The following HTT-AS variants were observed in gnomAD, a reference collection of about 807,000 sequenced individuals.
HTT-AS encodes HTT antisense RNA, also known as HTT antisense RNA (head to head).
intron 2 of HTT-AS, among the ~76,000 whole-genome samples, chr4:3,058,007 G>C (rs2110121842): frequency 6.6e-6 from 1 of 151,908 alleles, no homozygotes; most frequent in South Asian, 2.1e-4. Context: ...CAGAACTGAG[G>C]GTTTCTCCCC....
chr4:3,047,636 A>AG (rs1711617247), downstream of HTT-AS, among the ~76,000 whole-genome samples: 1 of 152,086 alleles, frequency 6.6e-6, no homozygotes, highest in Non-Finnish European at 1.5e-5. Context: ...CGACCAGGGA[A>AG]GGGAGTCTCC....
intron 2 of HTT-AS, among the ~76,000 whole-genome samples, chr4:3,058,738 T>C (rs1429464332): frequency 2.6e-5 from 4 of 152,002 alleles, no homozygotes; most frequent in Non-Finnish European, 5.9e-5. Context: ...TTTTTCCTTT[T>C]AAATGGGGTC....
chr4:3,060,111 G>A (rs190779501), intron 2 of HTT-AS, among the ~76,000 whole-genome samples: 6 of 152,136 alleles, frequency 3.9e-5, no homozygotes, highest in East Asian at 1.9e-4. Context: ...TGCCCTGTGC[G>A]TACATGCTAA....
downstream of HTT-AS, among the ~76,000 whole-genome samples, chr4:3,047,247 C>G (rs560887234): frequency 1.6e-4 from 25 of 152,188 alleles, no homozygotes; most frequent in African/African-American, 4.8e-4. Context: ...GGAGGCGGAG[C>G]TTGCAGTGAG....
chr4:3,074,033 G>A (rs1417373918), intron 1 of HTT-AS, among the ~76,000 whole-genome samples: 24 of 77,092 alleles, frequency 3.1e-4, no homozygotes, highest in South Asian at 1.1e-3. Context: ...CCATGGCCCC[G>A]TCCTTCATGG....
intron 2 of HTT-AS, among the ~76,000 whole-genome samples, chr4:3,058,219 G>A (rs536848883): frequency 3.7e-4 from 57 of 152,058 alleles, no homozygotes; most frequent in Admixed American, 8.5e-4. Flanking sequence ...CCAGCTACTC[G>A]GGAGGCTGAG....
At chr4:3,062,146 C>T (rs1711939564) in intron 2 of HTT-AS, among the ~76,000 whole-genome samples, 1 of 152,068 alleles carries the variant, frequency 6.6e-6, no homozygotes, top group Non-Finnish European at 1.5e-5. Flanking sequence ...TCACATACCT[C>T]AGCCTCCCAA....
chr4:3,065,757 G>A (rs1246648552), intron 1 of HTT-AS, among the ~76,000 whole-genome samples: 1 of 152,236 alleles, frequency 6.6e-6, no homozygotes, highest in Admixed American at 6.5e-5. Context: ...TTGCCCTTGT[G>A]ACTGCGTGGC....
In HTT-AS at chr4:3,064,233, C is replaced by T. The variant is rs144745005; in HGVS notation, n.114-533G>A. Among the ~76,000 whole-genome samples the T allele has an allele frequency of 4.1e-3, 618 of 151,516 alleles. 23 individuals carry two copies. Among genetic ancestry groups the T allele is most frequent in the Admixed American group, 0.037 (557 of 15,144 alleles). ...GCCTCAGCCTCCTGAGCAGTTGGGACTACAGGTGTGTGCCACCACATCTGG... is the reference window on the plus strand; with the variant it reads ...GCCTCAGCCTCCTGAGCAGTTGGGATTACAGGTGTGTGCCACCACATCTGG... On this transcript the variant is annotated intron_variant and non_coding_transcript_variant, in intron 1 of 2. Coordinates refer to ENST00000664062, the Ensembl canonical transcript of HTT-AS.
At chr4:3,072,630 ATTTAT>A (rs1419710661) in intron 1 of HTT-AS, among the ~76,000 whole-genome samples, 3 of 151,994 alleles carry the variant, frequency 2.0e-5, no homozygotes, top group Non-Finnish European at 4.4e-5. Context: ...TGGGAACTTT[ATTTAT>A]TTATTTATTT....
intron 1 of HTT-AS, among the ~76,000 whole-genome samples, chr4:3,063,992 C>G (rs1430157497): frequency 2.0e-5 from 3 of 152,012 alleles, no homozygotes; most frequent in Non-Finnish European, 4.4e-5. Context: ...TGAGGTGACT[C>G]TTGGTGGCTC....
rs576350589 is a variant in HTT-AS, at chr4:3,062,864, T to C, written n.950A>G. The stretch of plus-strand genomic sequence containing the variant: ...GAGGGCCAAGCAGCATTGCAAGCCA[T>C]GGTTTTAAATAAGAAAGAACATTTC... On this transcript the variant is annotated non_coding_transcript_exon_variant, in exon 2 of 3. Transcript: ENST00000664062. 2.5e-4 allele frequency among the ~76,000 whole-genome samples: 38 copies of C among 152,244 alleles called. No homozygotes were observed. The South Asian group carries it at 4.6e-3, about 18-fold the overall frequency.
intron 2 of HTT-AS, among the ~76,000 whole-genome samples, chr4:3,055,744 T>C (rs1711793228): frequency 6.6e-6 from 1 of 151,636 alleles, no homozygotes; most frequent in South Asian, 2.1e-4. Flanking sequence ...TAGCCAATGA[T>C]TTTTTCCTAC....
At chr4:3,062,458 C>T (rs527385225) in exon 2 of HTT-AS, among the ~76,000 whole-genome samples, 3 of 152,232 alleles carry the variant, frequency 2.0e-5, no homozygotes, top group South Asian at 2.1e-4. Context: ...CTGGTGTGAG[C>T]CCGGACTTCG....
intron 2 of HTT-AS, among the ~76,000 whole-genome samples, chr4:3,050,360 T>C (rs1578463798): frequency 6.6e-6 from 1 of 152,224 alleles, no homozygotes; most frequent in African/African-American, 2.4e-5. Context: ...CTTTTCTTGG[T>C]ATTCAATTAA....
At chr4:3,071,962 T>C (rs546718617) in intron 1 of HTT-AS, among the ~76,000 whole-genome samples, 2 of 152,352 alleles carry the variant, frequency 1.3e-5, no homozygotes, top group South Asian at 2.1e-4. Flanking sequence ...TACTTTGTTA[T>C]GGCAGCCCAA....
At chr4:3,058,198 T>C (rs936273144) in intron 2 of HTT-AS, among the ~76,000 whole-genome samples, 3 of 151,860 alleles carry the variant, frequency 2.0e-5, no homozygotes, top group African/African-American at 4.8e-5. Flanking sequence ...TGGTGGCGCG[T>C]GCCTGTACTC....
chr4:3,070,449 C>T (rs1712145593), intron 1 of HTT-AS, among the ~76,000 whole-genome samples: 1 of 152,088 alleles, frequency 6.6e-6, no homozygotes. Context: ...TGCCACCATG[C>T]CCGGCTAATT....
At chr4:3,052,786 C>G (rs1048792793) in intron 2 of HTT-AS, among the ~76,000 whole-genome samples, 2 of 151,774 alleles carry the variant, frequency 1.3e-5, no homozygotes, top group African/African-American at 4.8e-5. Context: ...CTCAGGAGTT[C>G]GAGACCAGCC....
Sources: allele counts gnomAD v4.1 joint callset (sites outside exome capture counted in the v4.1 genomes callset), GRCh38; gene constraint gnomAD v4.1.1; transcripts MANE v1.5; gene names NCBI Gene and HGNC (gene_info 2026-07-23, HGNC 2026-07-21).